Variants in TRHDE observed in about 807,000 individuals in gnomAD.
The protein encoded by TRHDE is thyrotropin releasing hormone degrading enzyme.
A neutral mutation model predicts 125.7 loss-of-function variants in TRHDE; 72 were observed. The ratio of observed to expected loss-of-function variants is 0.57; its 90% CI spans 0.47 to 0.70. The LOEUF (loss-of-function observed/expected upper bound fraction) is 0.70. Among genes scored for constraint, TRHDE ranks in the 30% least tolerant of loss-of-function variants. TRHDE has a pLI of 0.00. For synonymous variants in TRHDE, 509 were observed against 509.1 expected, an observed-to-expected ratio of 1.00 and a Z score of 0.00; for missense variants, 1,110 against 1,327.1, an observed-to-expected ratio of 0.84 and a Z score of 2.54.
chr12:72,490,345 T>C (rs1315987080), intron 5 of TRHDE, among the ~76,000 whole-genome samples: 1 of 151,752 alleles, frequency 6.6e-6, no homozygotes, highest in Non-Finnish European at 1.5e-5. Flanking sequence ...GTTGGAAAAG[T>C]TGTGGAGAAA....
intron 3 of TRHDE, among the ~76,000 whole-genome samples, chr12:72,426,532 G>A (rs1329074895): frequency 6.6e-6 from 1 of 151,910 alleles, no homozygotes; most frequent in Admixed American, 6.6e-5. Context: ...TTAAGAGGTA[G>A]GAACTATTAT....
Position 72,273,182 on chromosome 12 carries a change from C to G in TRHDE, c.539C>G (p.Pro180Arg), listed in dbSNP as rs570412261. 3.8e-6 allele frequency: 6 copies of G among 1,595,944 alleles called. No individual in the cohort carries two copies. Among genetic ancestry groups the G allele is most frequent in the Non-Finnish European group, 4.3e-6 (5 of 1,167,814 alleles). The change falls in exon 1 of 19, where the codon CCG becomes CGG. Residue 180 changes from proline (P) to arginine (R), a missense_variant. Pro to Arg is a moderately radical substitution (Grantham distance 103). This residue lies in a region of TRHDE where 72 missense variants were observed against 122.2 expected (regional missense o/e 0.59). Coordinates refer to ENST00000261180, the MANE Select transcript of TRHDE (RefSeq NM_013381.3). The surrounding 1 kb of genome is among the most constrained non-coding windows in gnomAD (Gnocchi z 5.3). ...PSEEEREPWE[P>R]WTQLRLSGHL... ...GAGGAGGAGCGGGAGCCGTGGGAGC[C>G]GTGGACGCAGCTGCGCCTGTCGGGC...
intron 2 of TRHDE, among the ~76,000 whole-genome samples, chr12:72,113,996 C>CT (rs1303064124): frequency 6.7e-6 from 1 of 150,200 alleles, no homozygotes; most frequent in African/African-American, 2.4e-5. Flanking sequence ...ATTTTTTTTT[C>CT]TTTTTTACCA....
In TRHDE at chr12:72,272,655, C is replaced by A. The variant is rs565026453; in HGVS notation, c.12C>A (p.Asp4Glu). Residue 4 changes from aspartate to glutamate, a missense_variant, in exon 1 of 19, where the codon GAC (aspartate) becomes GAA (glutamate). Physicochemically the swap from Asp to Glu is conservative, Grantham distance 45. This residue lies in a region of TRHDE where 248 missense variants were observed against 240.8 expected (regional missense o/e 1.03). Transcript: ENST00000261180. This position sits in a 1 kb window ranked among gnomAD's most constrained non-coding sequence, Gnocchi z 6.7. ...GAGGAGGCGGTGTGATGGCCCTGGA[C>A]GGCGAGCTGGGGGAGCAAGAGGAGG... MAL[D>E]GELGEQEEEK... is the part of the protein sequence containing the mutation. The A allele has an allele frequency of 1.7e-6, 2 of 1,205,794 alleles. No individual in the cohort carries two copies. Among genetic ancestry groups the A allele is most frequent in the Admixed American group, 2.9e-5 (1 of 34,662 alleles). 74.7% of individuals were successfully genotyped at this position (1,205,794 alleles called of 1,614,324 possible).
chr12:72,518,118 T>C (rs1465707478), intron 6 of TRHDE, among the ~76,000 whole-genome samples: 3 of 150,802 alleles, frequency 2.0e-5, no homozygotes, highest in Admixed American at 2.0e-4. Context: ...AAATGTATAT[T>C]CTGTTGATTT....
At chr12:72,248,326 G>C (rs1878613859) in intron 2 of TRHDE, among the ~76,000 whole-genome samples, 1 of 147,848 alleles carries the variant, frequency 6.8e-6, no homozygotes, top group Non-Finnish European at 1.5e-5. Flanking sequence ...GCTGAGGCAG[G>C]AGAATTGCTT....
intron 1 of TRHDE, among the ~76,000 whole-genome samples, chr12:72,103,978 G>A (rs947987835): frequency 1.3e-5 from 2 of 152,118 alleles, no homozygotes; most frequent in African/African-American, 2.4e-5. Context: ...GGAGGCTGAA[G>A]AGGCATAGGG....
intron 3 of TRHDE, among the ~76,000 whole-genome samples, chr12:72,387,823 G>T (rs1872488014): frequency 1.3e-5 from 2 of 152,116 alleles, no homozygotes; most frequent in Non-Finnish European, 2.9e-5. Context: ...TCTCTTGCCT[G>T]CAGCCATGTA....
chr12:72,144,221 C>T (rs374422828), intron 2 of TRHDE, among the ~76,000 whole-genome samples: 5 of 152,258 alleles, frequency 3.3e-5, no homozygotes, highest in Non-Finnish European at 7.4e-5. Context: ...TTAGGGGCCA[C>T]GGTAGGACTC....
At chr12:72,347,481 G>A (rs560316315) in intron 2 of TRHDE, among the ~76,000 whole-genome samples, 1 of 152,024 alleles carries the variant, frequency 6.6e-6, no homozygotes. Flanking sequence ...TTAGCAATCC[G>A]AATGCAGTTT....
chr12:72,621,142 T>C lies in TRHDE; in HGVS notation c.2504T>C (p.Ile835Thr). Residue 835 changes from isoleucine (I) to threonine (T), a missense_variant, in exon 14 of 19, where the codon ATC becomes ACC. Physicochemically the swap from Ile to Thr is moderately conservative, Grantham distance 89. Around this residue, in one of 5 missense-constraint regions of TRHDE, gnomAD observed 527 missense variants for 651.8 expected, o/e 0.81. Coordinates refer to ENST00000261180, the MANE Select transcript of TRHDE (RefSeq NM_013381.3). ...YILKQVATTY[I>T]KLGWPKNNFN... The stretch of plus-strand genomic sequence containing the variant: ...TTAAAGCAAGTTGCAACAACATATA[T>C]CAAGCTTGGGTGGCCGAAAAATAAT... 1 of 1,612,100 alleles carries C rather than the reference T, an allele frequency of 6.2e-7. No homozygotes were observed. The highest frequency in any genetic ancestry group is 1.7e-4 in the Middle Eastern group (1 of 6,040).
At chr12:72,472,844 A>G (rs1406002045) in intron 4 of TRHDE, among the ~76,000 whole-genome samples, 1 of 152,114 alleles carries the variant, frequency 6.6e-6, no homozygotes. Context: ...TTCATTGATT[A>G]TTCTTTTTTG....
At chr12:72,594,393 T>G (rs921058967) in intron 12 of TRHDE, among the ~76,000 whole-genome samples, 1 of 151,804 alleles carries the variant, frequency 6.6e-6, no homozygotes, top group Non-Finnish European at 1.5e-5. Flanking sequence ...TAATTTTGTA[T>G]TTTTAGTGGA....
intron 15 of TRHDE, among the ~76,000 whole-genome samples, chr12:72,635,860 A>G (rs1592586870): frequency 6.6e-6 from 1 of 152,210 alleles, no homozygotes; most frequent in South Asian, 2.1e-4. Flanking sequence ...CCATTGATCT[A>G]TATCTCTGTT....
chr12:72,445,057 T>A (rs1875209450), intron 3 of TRHDE, among the ~76,000 whole-genome samples: 1 of 151,896 alleles, frequency 6.6e-6, no homozygotes, highest in South Asian at 2.1e-4. Context: ...TCCAGATAGC[T>A]TCTAAGACGT....
At chr12:72,560,403 T>C (rs1029913197) in intron 7 of TRHDE, 1 of 152,208 alleles carries the variant, frequency 6.6e-6, no homozygotes, top group Non-Finnish European at 1.5e-5. Context: ...AGAAGAAAAT[T>C]GTATATTGGA....
chr12:72,382,270 TGACAAAAGCA>T (rs1231834534), intron 3 of TRHDE, among the ~76,000 whole-genome samples: 2 of 151,514 alleles, frequency 1.3e-5, no homozygotes, highest in African/African-American at 4.9e-5. Context: ...CCGGTGACCT[TGACAAAAGCA>T]GTTCTAGAAT....
At chr12:72,392,435 C>A (rs1162957894) in intron 3 of TRHDE, among the ~76,000 whole-genome samples, 1 of 152,010 alleles carries the variant, frequency 6.6e-6, no homozygotes, top group African/African-American at 2.4e-5. Flanking sequence ...CTGTGTCATC[C>A]CTCCTTCTGA....
At chr12:72,634,374 A>T (rs1000368227) in intron 15 of TRHDE, among the ~76,000 whole-genome samples, 1 of 151,814 alleles carries the variant, frequency 6.6e-6, no homozygotes, top group Non-Finnish European at 1.5e-5. Context: ...ATCCCCATAG[A>T]GGTAAGGGTG....
Sources: allele counts gnomAD v4.1 joint callset (sites outside exome capture counted in the v4.1 genomes callset), GRCh38; gene constraint gnomAD v4.1.1; regional missense constraint gnomAD v4.1.1; non-coding constraint Gnocchi (gnomAD v3.1); transcripts MANE v1.5; gene names NCBI Gene and HGNC (gene_info 2026-07-23, HGNC 2026-07-21).